The following DNM2 variants were observed in gnomAD, a reference collection of about 807,000 sequenced individuals.
DNM2 encodes the protein dynamin-2.
In DNM2, 15 loss-of-function variants were observed where a neutral mutation model predicts 99.0. The observed-to-expected ratio is 0.15, with a 90% CI of 0.10 to 0.23. The LOEUF (loss-of-function observed/expected upper bound fraction) is 0.23, where lower values mean the gene tolerates loss of function less well. DNM2 is among the 10% of genes least tolerant of loss of function. The pLI is 1.00. For synonymous variants in DNM2, 525 were observed against 481.2 expected (o/e 1.09, Z -1.19); for missense variants, 742 against 1,189.4 (o/e 0.62, Z 5.53).
At position 10,820,204 on chromosome 19, in the gene DNM2, G is replaced by A; in HGVS notation, c.1781+115G>A. 9.8e-7 allele frequency: 1 copy of A among 1,017,328 alleles called. No homozygotes were observed. Among genetic ancestry groups the A allele is most frequent in the Non-Finnish European group, 1.5e-6 (1 of 657,366 alleles). The allele number at this position is 1,017,328 out of a possible 1,614,324, so 63.0% of individuals were successfully genotyped here. A position where few individuals can be genotyped will look rare whatever the true frequency, so the allele number is the denominator to read the frequency against. ...GGCTGTCAGCAGTCCCTGCCCTTGG[G>A]ACCCAGCTTTTAGAAAGGGGAGTCA... is the stretch of plus-strand genomic sequence containing the variant. On this transcript the variant is annotated intron_variant, in intron 16 of 20. Transcript: ENST00000389253. This position sits in a 1 kb window ranked among gnomAD's most constrained non-coding sequence, Gnocchi z 4.3.
chr19:10,780,591 C>G (rs1439342313), intron 5 of DNM2, among the ~76,000 whole-genome samples: 3 of 152,154 alleles, frequency 2.0e-5, no homozygotes, highest in Non-Finnish European at 4.4e-5. Context: ...TCCCACTGGA[C>G]CCTTTTTCCT....
At chr19:10,746,971 G>T (rs988521665) in intron 1 of DNM2, among the ~76,000 whole-genome samples, 1 of 151,452 alleles carries the variant, frequency 6.6e-6, no homozygotes, top group Non-Finnish European at 1.5e-5. Context: ...TCCTGACCTC[G>T]GGTGATCTGC....
chr19:10,721,399 C>T (rs1477708612), intron 1 of DNM2, among the ~76,000 whole-genome samples: 3 of 152,152 alleles, frequency 2.0e-5, no homozygotes, highest in East Asian at 1.9e-4. Flanking sequence ...TCAGGTGATC[C>T]GCCCACCTCG....
intron 2 of DNM2, among the ~76,000 whole-genome samples, chr19:10,768,181 C>T (rs1052101122): frequency 5.3e-5 from 8 of 151,498 alleles, no homozygotes; most frequent in Non-Finnish European, 1.0e-4. Flanking sequence ...TGGCCGGGCG[C>T]GGTGGCTCAC....
intron 10 of DNM2, among the ~76,000 whole-genome samples, chr19:10,798,056 G>A (rs781213664): frequency 3.9e-5 from 6 of 152,116 alleles, no homozygotes; most frequent in Non-Finnish European, 8.8e-5. Context: ...TCTGCAAGGA[G>A]TTCCTATCGA....
chr19:10,789,992 C>T (rs2071696042), intron 7 of DNM2, among the ~76,000 whole-genome samples: 1 of 152,254 alleles, frequency 6.6e-6, no homozygotes, highest in African/African-American at 2.4e-5. Flanking sequence ...AGGGCCCTCC[C>T]TGCCCAGGCA....
chr19:10,727,831 C>T (rs560091266), intron 1 of DNM2, among the ~76,000 whole-genome samples: 4 of 152,074 alleles, frequency 2.6e-5, no homozygotes, highest in African/African-American at 9.6e-5. Flanking sequence ...ATAGGCCCCT[C>T]GGCTGCTGAA....
rs1050322900 is a variant in DNM2 at position 10,831,845 on chromosome 19, A to C, written c.*798A>C. On this transcript the variant is annotated 3_prime_UTR_variant, in exon 21 of 21. Transcript: ENST00000389253. This position sits in a 1 kb window ranked among gnomAD's most constrained non-coding sequence, Gnocchi z 4.3. ...ACTCCTCGCTCAGTTTGACCACTGT[A>C]AGTGCCTGCACTCTGTATTCTATTA... 4.0e-6 allele frequency: 4 copies of C among 996,428 alleles called. No homozygotes were observed. The African/African-American group carries it at 7.0e-5, about 17-fold the overall frequency. 61.7% of individuals were successfully genotyped at this position (996,428 alleles called of 1,614,324 possible). A position where few individuals can be genotyped will look rare whatever the true frequency, so the allele number is the denominator to read the frequency against.
Position 10,775,836 on chromosome 19 carries a change from T to C in DNM2, c.519T>C (p.Ala173=), listed in dbSNP as rs77702567. The C allele has an allele frequency of 5.8e-4, 939 of 1,614,072 alleles. 4 individuals carry two copies. In the African/African-American group the frequency reaches 0.011, roughly 19 times the overall value. Residue 173 remains alanine (A), a synonymous_variant, in exon 4 of 21, where the codon GCT becomes GCC. Transcript: ENST00000389253. This position sits in a 1 kb window ranked among gnomAD's most constrained non-coding sequence, Gnocchi z 4.3. ...FISRESSLIL[A]VTPANMDLAN... ...GCCGGGAGAGCAGCCTCATTCTGGC[T>C]GTCACGCCCGCCAACATGGACCTGG...
At chr19:10,781,820 G>C (rs148513510) in intron 5 of DNM2, 1 of 152,034 alleles carries the variant, frequency 6.6e-6, no homozygotes, top group East Asian at 1.9e-4. Context: ...TGGATTCTTT[G>C]CAACAGTGTG....
intron 5 of DNM2, among the ~76,000 whole-genome samples, chr19:10,782,372 C>CTCTTTT (rs1555707552): frequency 2.1e-4 from 31 of 150,674 alleles, no homozygotes; most frequent in Admixed American, 2.1e-3. Flanking sequence ...TTTTCTCTTT[C>CTCTTTT]TTTTTATTCA....
intron 9 of DNM2, 130 bp from the exon 10 acceptor site, chr19:10,797,250 A>G: frequency 7.4e-7 from 1 of 1,356,984 alleles, no homozygotes; most frequent in South Asian, 1.3e-5. Context: ...ATGCGGGCGC[A>G]GGCTCCCCCA....
At chr19:10,738,761 T>C (rs576844909) in intron 1 of DNM2, among the ~76,000 whole-genome samples, 2 of 151,912 alleles carry the variant, frequency 1.3e-5, no homozygotes, top group South Asian at 4.1e-4. Context: ...TCCCAGCTAC[T>C]TGGGAGGCTA....
chr19:10,749,140 G>A (rs985764175), intron 1 of DNM2, among the ~76,000 whole-genome samples: 8 of 152,276 alleles, frequency 5.3e-5, no homozygotes, highest in African/African-American at 1.9e-4. Flanking sequence ...GCTGGCTCTG[G>A]GCCACACTGC....
At position 10,802,374 on chromosome 19, in the gene DNM2, G is replaced by C. The variant is rs1446097383; in HGVS notation, c.1493+16G>C. 5 of 1,613,934 alleles carry C rather than the reference G, an allele frequency of 3.1e-6. No homozygotes were observed. The East Asian group carries it at 1.1e-4, about 36-fold the overall frequency. Reference sequence around the variant, plus strand: ...GGTTTGCCAAGTAGGTACTTTTAGAGACTGGCTGGTCGGGCGGCACCAATC... The same window carrying C: ...GGTTTGCCAAGTAGGTACTTTTAGACACTGGCTGGTCGGGCGGCACCAATC... On this transcript the variant is annotated intron_variant, in intron 12 of 20. Coordinates refer to ENST00000389253, the MANE Select transcript of DNM2 (RefSeq NM_001005361.3).
intron 2 of DNM2, among the ~76,000 whole-genome samples, chr19:10,767,725 G>A (rs1287043799): frequency 6.6e-6 from 1 of 152,176 alleles, no homozygotes; most frequent in Non-Finnish European, 1.5e-5. Context: ...GGCTAACATG[G>A]TGAAACCTCA....
At chr19:10,828,762 A>T (rs907309224) in intron 18 of DNM2, among the ~76,000 whole-genome samples, 1 of 151,946 alleles carries the variant, frequency 6.6e-6, no homozygotes, top group Non-Finnish European at 1.5e-5. Flanking sequence ...TATCTCTAAA[A>T]AAATTACAAA....
chr19:10,723,776 C>G (rs1342373610), intron 1 of DNM2, among the ~76,000 whole-genome samples: 4 of 152,170 alleles, frequency 2.6e-5, no homozygotes, highest in Admixed American at 2.6e-4. Context: ...TCTGGAGGAG[C>G]TGGCCTTTCA....
intron 7 of DNM2, among the ~76,000 whole-genome samples, chr19:10,787,594 C>T (rs1448554617): frequency 2.8e-5 from 4 of 140,906 alleles, no homozygotes. Flanking sequence ...CTCTACTCAA[C>T]GTACAAAAAA....
Sources: allele counts gnomAD v4.1 joint callset (sites outside exome capture counted in the v4.1 genomes callset), GRCh38; gene constraint gnomAD v4.1.1; non-coding constraint Gnocchi (gnomAD v3.1); transcripts MANE v1.5; gene names NCBI Gene and HGNC (gene_info 2026-07-23, HGNC 2026-07-21).